The following NKX2-6 variants were observed in gnomAD, a reference collection of about 807,000 sequenced individuals.
NKX2-6 encodes the protein NK2 homeobox 6.
In NKX2-6, 8 loss-of-function variants were observed where a neutral mutation model predicts 8.6. That is an observed-to-expected ratio of 0.93 (90% confidence interval 0.54 to 1.67). NKX2-6 has a LOEUF of 1.67. Among genes scored for constraint, NKX2-6 ranks in the 40% most tolerant of loss-of-function variants. The probability of loss-of-function intolerance (pLI) is 0.00; values close to 1 mark genes in which losing one functional copy is unlikely to be tolerated. For synonymous variants in NKX2-6, 210 were observed against 199.3 expected (o/e 1.05, Z -0.45); for missense variants, 475 against 423.1 (o/e 1.12, Z -1.08).
Position 23,706,547 on chromosome 8 carries a change from G to C in NKX2-6, c.52C>G (p.Arg18Gly), listed in dbSNP as rs1339362407. The C allele has an allele frequency of 6.5e-7, 1 of 1,536,524 alleles. No individual in the cohort carries two copies. The highest frequency in any genetic ancestry group is 8.7e-7 in the Non-Finnish European group (1 of 1,146,914). ...STPFSVKDIL[R>G]LERERSCPAA... ...GGGCAGCTCCGCTCGCGCTCCAGTCGCAGGATGTCCTTGACCGAGAAGGGG... is the reference window on the plus strand; with the variant it reads ...GGGCAGCTCCGCTCGCGCTCCAGTCCCAGGATGTCCTTGACCGAGAAGGGG... The change falls in exon 1 of 2, where the codon CGA becomes GGA. Residue 18 changes from arginine to glycine, a missense_variant. Arg to Gly is a moderately radical substitution (Grantham distance 125). Coordinates refer to ENST00000325017, the MANE Select transcript of NKX2-6 (RefSeq NM_001136271.3).
In NKX2-6 at chr8:23,702,606, G is replaced by T. The variant is rs766698247; in HGVS notation, c.751C>A (p.Pro251Thr). Residue 251 changes from proline (P) to threonine (T), a missense_variant, in exon 2 of 2, where the codon CCC (proline) becomes ACC (threonine). By Grantham distance (38) the Pro-to-Thr change is conservative. Coordinates refer to ENST00000325017, the MANE Select transcript of NKX2-6 (RefSeq NM_001136271.3). Reference sequence around the variant, plus strand: ...CAGGTGCCGTAGCCTGCGCCGTAGGGTGCTCCGCTGTAGCCTCCGTAGCAA... The same window carrying T: ...CAGGTGCCGTAGCCTGCGCCGTAGGTTGCTCCGCTGTAGCCTCCGTAGCAA... ...YSCYGGYSGA[P>T]YGAGYGTCYA... 1.3e-6 allele frequency: 2 copies of T among 1,547,698 alleles called. No homozygotes were observed. The highest frequency in any genetic ancestry group is 8.7e-7 in the Non-Finnish European group (1 of 1,146,262).
Position 23,702,967 on chromosome 8 carries a change from C to A in NKX2-6, c.390G>T (p.Arg130=), listed in dbSNP as rs973784005. Residue 130 remains arginine, a synonymous_variant, in exon 2 of 2, where the codon CGG becomes CGT. Transcript: ENST00000325017. ...RGGRSEQPKA[R]QRRKPRVLFS... ...AGAGCACGCGCGGCTTCCGTCGTTGCCGCGCCTTGGGCTGCTCCGAGCGGC... is the reference window on the plus strand; with the variant it reads ...AGAGCACGCGCGGCTTCCGTCGTTGACGCGCCTTGGGCTGCTCCGAGCGGC... 3 of 1,545,970 alleles carry A rather than the reference C, an allele frequency of 1.9e-6. No homozygotes were observed. The highest frequency in any genetic ancestry group is 2.6e-6 in the Non-Finnish European group (3 of 1,145,466).
At position 23,706,475 on chromosome 8, in the gene NKX2-6, G is replaced by T; in HGVS notation, c.124C>A (p.Gln42Lys). The T allele has an allele frequency of 6.5e-7, 1 of 1,543,366 alleles. No homozygotes were observed. The highest frequency in any genetic ancestry group is 8.7e-7 in the Non-Finnish European group (1 of 1,146,950). ...GGCTCTGCGTCCATTCTCAGGTACTGAAAGTTTTCCGGGCTCTTCCGCACC... is the reference window on the plus strand; with the variant it reads ...GGCTCTGCGTCCATTCTCAGGTACTTAAAGTTTTCCGGGCTCTTCCGCACC... ...PRVRKSPENF[Q>K]YLRMDAEPRG... The change falls in exon 1 of 2, where the codon CAG becomes AAG. Residue 42 changes from glutamine to lysine, a missense_variant. Coordinates refer to ENST00000325017, the MANE Select transcript of NKX2-6 (RefSeq NM_001136271.3).
intron 1 of NKX2-6, among the ~76,000 whole-genome samples, chr8:23,703,608 A>C (rs560164499): frequency 1.3e-5 from 2 of 152,288 alleles, no homozygotes; most frequent in African/African-American, 4.8e-5. Flanking sequence ...AGGCAGGAGA[A>C]TGGCGTGAAC....
chr8:23,702,458 G>T lies in NKX2-6; in HGVS notation c.899C>A (p.Ala300Asp). The T allele has an allele frequency of 6.8e-7, 1 of 1,466,352 alleles. No homozygotes were observed. The highest frequency in any genetic ancestry group is 9.0e-7 in the Non-Finnish European group (1 of 1,107,876). 90.8% of individuals were successfully genotyped at this position (1,466,352 alleles called of 1,614,324 possible). A position where few individuals can be genotyped will look rare whatever the true frequency, so the allele number is the denominator to read the frequency against. The change falls in exon 2 of 2, where the codon GCC becomes GAC. Residue 300 changes from alanine to aspartate, a missense_variant. Transcript: ENST00000325017. ...GAGTCAAGCCGAGGAGCCTCACCAG[G>T]CCCTGACACCCTGCAGCGTGGCTGC... is the stretch of plus-strand genomic sequence containing the variant. ...HLAATLQGVR[A>D]W
intron 1 of NKX2-6, 107 bp downstream of exon 1, chr8:23,706,218 A>C: frequency 8.6e-7 from 1 of 1,166,716 alleles, no homozygotes; most frequent in South Asian, 1.7e-5. Context: ...AAATGGAGAG[A>C]GTCTCGAACC....
chr8:23,701,906 T>G lies in NKX2-6; in HGVS notation c.*545A>C, dbSNP rs1176687515. Among the ~76,000 whole-genome samples the G allele has an allele frequency of 6.6e-6, 1 of 152,100 alleles. No homozygotes were observed. The highest frequency in any genetic ancestry group is 2.4e-5 in the African/African-American group (1 of 41,424). ...CCTGGGGCGCGGCCTTATGGGGATG[T>G]TTAAGTCCCAAAGGAAGAGGCTCAA... On this transcript the variant is annotated 3_prime_UTR_variant, in exon 2 of 2. Transcript: ENST00000325017.
chr8:23,702,591 A>AGCCT lies in NKX2-6; in HGVS notation c.762_765dup (p.Tyr256ArgfsTer105). On this transcript the variant is annotated frameshift_variant, in exon 2 of 2. Coordinates refer to ENST00000325017, the MANE Select transcript of NKX2-6 (RefSeq NM_001136271.3). LOFTEE classifies it low-confidence loss of function (END_TRUNC). Reference sequence around the variant, plus strand: ...GGCGCGCCCGCGTAGCAGGTGCCGTAGCCTGCGCCGTAGGGTGCTCCGCTG... The same window carrying AGCCT: ...GGCGCGCCCGCGTAGCAGGTGCCGTAGCCTGCCTGCGCCGTAGGGTGCTCCGCTG... The AGCCT allele has an allele frequency of 1.3e-6, 2 of 1,546,068 alleles. No homozygotes were observed. The highest frequency in any genetic ancestry group is 1.7e-6 in the Non-Finnish European group (2 of 1,146,242).
chr8:23,703,019 C>T lies in NKX2-6; in HGVS notation c.338G>A (p.Gly113Asp), dbSNP rs1266464227. Reference protein sequence around the residue: ...GGTRVPERGVGNSGDSVRGGR... With the variant: ...GGTRVPERGVDNSGDSVRGGR... ...ACCCCGCACGCTGTCGCCGCTGTTG[C>T]CAACGCCGCGCTCTGGCACCCTGGT... The change falls in exon 2 of 2, where the codon GGC becomes GAC. Residue 113 changes from glycine to aspartate, a missense_variant. Gly to Asp is a moderately conservative substitution (Grantham distance 94). Transcript: ENST00000325017. The T allele has an allele frequency of 2.6e-6, 4 of 1,540,896 alleles. No homozygotes were observed. The highest frequency in any genetic ancestry group is 1.2e-5 in the South Asian group (1 of 83,894).
At position 23,706,633 on chromosome 8, in the gene NKX2-6, G is replaced by A. The variant is rs940306728; in HGVS notation, c.-35C>T. ...GGATGGGGCGGGGCCGAGGAGGTCC[G>A]GGTGAGGAGCGGCACCCTGAACTTC... On this transcript the variant is annotated 5_prime_UTR_variant, in exon 1 of 2. Transcript: ENST00000325017. 19 of 1,516,088 alleles carry A rather than the reference G, an allele frequency of 1.3e-5. No individual in the cohort carries two copies. Among genetic ancestry groups the A allele is most frequent in the African/African-American group, 4.1e-5 (3 of 72,586 alleles). 93.9% of individuals were successfully genotyped at this position (1,516,088 alleles called of 1,614,324 possible). A position where few individuals can be genotyped will look rare whatever the true frequency, so the allele number is the denominator to read the frequency against.
At chr8:23,703,728 A>AC (rs796870186) in intron 1 of NKX2-6, among the ~76,000 whole-genome samples, 1,123 of 103,992 alleles carry the variant, frequency 0.011, 18 homozygotes, top group African/African-American at 0.03. Context: ...AAACAAACAA[A>AC]AAAAAAACTG....
At position 23,706,521 on chromosome 8, in the gene NKX2-6, G is replaced by C; in HGVS notation, c.78C>G (p.Pro26=). 2 of 1,537,470 alleles carry C rather than the reference G, an allele frequency of 1.3e-6. No homozygotes were observed. Among genetic ancestry groups the C allele is most frequent in the Non-Finnish European group, 1.7e-6 (2 of 1,146,924 alleles). ...ILRLERERSC[P]AASPHPRVRK... Reference sequence around the variant, plus strand: ...GCACCCGCGGATGTGGCGAAGCCGCGGGGCAGCTCCGCTCGCGCTCCAGTC... The same window carrying C: ...GCACCCGCGGATGTGGCGAAGCCGCCGGGCAGCTCCGCTCGCGCTCCAGTC... Residue 26 remains proline (P), a synonymous_variant, in exon 1 of 2, where the codon CCC becomes CCG. Coordinates refer to ENST00000325017, the MANE Select transcript of NKX2-6 (RefSeq NM_001136271.3).
intron 1 of NKX2-6, among the ~76,000 whole-genome samples, chr8:23,703,460 G>A (rs963655444): frequency 9.9e-5 from 15 of 152,092 alleles, no homozygotes; most frequent in African/African-American, 3.6e-4. Flanking sequence ...ACTTTGGGAG[G>A]CCGAGACGGG....
Position 23,702,733 on chromosome 8 carries a change from T to C in NKX2-6, c.624A>G (p.Val208=), listed in dbSNP as rs2117594190. Residue 208 remains valine (V), a synonymous_variant, in exon 2 of 2, where the codon GTA becomes GTG. Coordinates refer to ENST00000325017, the MANE Select transcript of NKX2-6 (RefSeq NM_001136271.3). ...LAGHPLTPRR[V]AVPVLVRDGK... ...CATCGCGCACCAGGACGGGCACAGC[T>C]ACTCGGCGCGGCGTTAGAGGGTGGC... 1 of 1,551,738 alleles carries C rather than the reference T, an allele frequency of 6.4e-7. No individual in the cohort carries two copies. The highest frequency in any genetic ancestry group is 1.2e-5 in the South Asian group (1 of 84,068).
In NKX2-6 at chr8:23,702,397, G is replaced by A; in HGVS notation, c.*54C>T. ...CCCTCCTTGTCACGACCTGCGGGCGGAGGGGAAGGGAACGAGCATCTGGCC... is the reference window on the plus strand; with the variant it reads ...CCCTCCTTGTCACGACCTGCGGGCGAAGGGGAAGGGAACGAGCATCTGGCC... On this transcript the variant is annotated 3_prime_UTR_variant, in exon 2 of 2. Coordinates refer to ENST00000325017, the MANE Select transcript of NKX2-6 (RefSeq NM_001136271.3). The A allele has an allele frequency of 1.4e-6, 2 of 1,413,158 alleles. No individual in the cohort carries two copies. Among genetic ancestry groups the A allele is most frequent in the Non-Finnish European group, 1.8e-6 (2 of 1,084,350 alleles). 87.5% of individuals were successfully genotyped at this position (1,413,158 alleles called of 1,614,324 possible). A position where few individuals can be genotyped will look rare whatever the true frequency, so the allele number is the denominator to read the frequency against.
chr8:23,702,653 C>T lies in NKX2-6; in HGVS notation c.704G>A (p.Ser235Asn). ...GCAAGAGTAGGGCGACACTGCTGCA[C>T]TGTAGGGGCTGGGGAAGGCAGGTGC... is the stretch of plus-strand genomic sequence containing the variant. ...PGAPAFPSPY[S>N]AAVSPYSCYG... is the part of the protein sequence containing the mutation. The change falls in exon 2 of 2, where the codon AGT becomes AAT. Residue 235 changes from serine (S) to asparagine (N), a missense_variant. Ser to Asn is a conservative substitution (Grantham distance 46). Transcript: ENST00000325017. 3.2e-6 allele frequency: 5 copies of T among 1,550,478 alleles called. No homozygotes were observed. The highest frequency in any genetic ancestry group is 1.4e-5 in the African/African-American group (1 of 73,158).
intron 1 of NKX2-6, among the ~76,000 whole-genome samples, chr8:23,703,364 T>C (rs966404364): frequency 2.0e-5 from 3 of 152,166 alleles, no homozygotes; most frequent in East Asian, 3.8e-4. Context: ...AGGTAGACTC[T>C]AGATAAAGAG....
At chr8:23,704,116 G>A (rs944990197) in intron 1 of NKX2-6, among the ~76,000 whole-genome samples, 2 of 152,166 alleles carry the variant, frequency 1.3e-5, no homozygotes, top group Admixed American at 1.3e-4. Flanking sequence ...ACCAACACCA[G>A]GGATGCATCC....
At position 23,702,174 on chromosome 8, in the gene NKX2-6, C is replaced by T. The variant is rs1801015106; in HGVS notation, c.*277G>A. The stretch of plus-strand genomic sequence containing the variant: ...GTCACGCGCCTTAGTACTGCTCCCA[C>T]ACCCCAAACTGCCAGCCAGCCTTGG... On this transcript the variant is annotated 3_prime_UTR_variant, in exon 2 of 2. Transcript: ENST00000325017. Among the ~76,000 whole-genome samples, 1 of 152,232 alleles carries T rather than the reference C, an allele frequency of 6.6e-6. No homozygotes were observed. The highest frequency in any genetic ancestry group is 2.4e-5 in the African/African-American group (1 of 41,470).
Sources: gnomAD v4.1 joint callset for allele counts (sites outside exome capture counted in the v4.1 genomes callset) on GRCh38, gnomAD v4.1.1 for gene constraint, MANE v1.5 for transcripts, NCBI Gene and HGNC (gene_info 2026-07-23, HGNC 2026-07-21) for gene names.